The following GLIS1 variants were observed in gnomAD, a reference collection of about 807,000 sequenced individuals.
GLIS1 encodes the protein zinc finger protein GLIS1.
GLIS1 carries 24 observed loss-of-function variants against 63.8 expected under a neutral mutation model. The ratio of observed to expected loss-of-function variants is 0.38; its 90% CI spans 0.27 to 0.53. The LOEUF is 0.53. Among genes scored for constraint, GLIS1 ranks in the 20% least tolerant of loss-of-function variants. The pLI, the probability that GLIS1 is intolerant of heterozygous loss-of-function variation, is 0.85. For missense variants in GLIS1, 1,036 were observed against 1,074.1 expected (o/e 0.96, Z 0.50); for synonymous variants, 450 against 482.5 (o/e 0.93, Z 0.88).
At position 53,506,689 on chromosome 1, in the gene GLIS1, C is replaced by T. The variant is rs1175761577; in HGVS notation, c.2318G>A (p.Cys773Tyr). The change falls in exon 11 of 11, where the codon TGT becomes TAT. Residue 773 changes from cysteine (C) to tyrosine (Y), a missense_variant. Coordinates refer to ENST00000628545, the MANE Select transcript of GLIS1 (RefSeq NM_001367484.1). ...AAAGGCTCCATTGGGGAAGAAGCCA[C>T]AGTCCTCGGGGCCGCTGGACACCAC... is the stretch of plus-strand genomic sequence containing the variant. ...EDVVSSGPED[C>Y]GFFPNGAFDH... 6.2e-7 allele frequency: 1 copy of T among 1,613,594 alleles called. No individual in the cohort carries two copies. Among genetic ancestry groups the T allele is most frequent in the South Asian group, 1.1e-5 (1 of 91,086 alleles).
chr1:53,713,132 C>T (rs1458751526), intron 2 of GLIS1, among the ~76,000 whole-genome samples: 11 of 152,142 alleles, frequency 7.2e-5, no homozygotes, highest in Admixed American at 7.2e-4. Context: ...CAAGACCAGC[C>T]TAGGCAACAT....
rs183595001 is a variant in GLIS1 at position 53,649,006 on chromosome 1, C to T, written c.260-48728G>A. Among the ~76,000 whole-genome samples, 79 of 152,174 alleles carry T rather than the reference C, an allele frequency of 5.2e-4. 1 individual carries two copies. Among genetic ancestry groups the T allele is most frequent in the East Asian group, 3.7e-3 (19 of 5,182 alleles). On this transcript the variant is annotated intron_variant, in intron 2 of 10. Transcript: ENST00000628545. The stretch of plus-strand genomic sequence containing the variant: ...TTGAACAAGATGGTTTTGAACTGCA[C>T]GGATCTACTTATTCATGGATTTTTT...
intron 2 of GLIS1, among the ~76,000 whole-genome samples, chr1:53,632,095 GTGAA>G (rs1352345804): frequency 7.3e-5 from 11 of 150,642 alleles, no homozygotes; most frequent in Middle Eastern, 7.0e-3. Flanking sequence ...TGAGGGGTGT[GTGAA>G]TGAATGTGAC....
At chr1:53,633,274 G>A (rs983998640) in intron 2 of GLIS1, among the ~76,000 whole-genome samples, 10 of 149,950 alleles carry the variant, frequency 6.7e-5, no homozygotes, top group African/African-American at 2.2e-4. Context: ...ACTGAGGGGT[G>A]TGAATGAGTG....
intron 4 of GLIS1, among the ~76,000 whole-genome samples, chr1:53,579,758 A>C (rs1645067260): frequency 1.3e-5 from 2 of 152,156 alleles, no homozygotes; most frequent in South Asian, 2.1e-4. Flanking sequence ...ATCACACCCC[A>C]GGGTGTGGCA....
At chr1:53,671,240 T>G (rs552053709) in intron 2 of GLIS1, among the ~76,000 whole-genome samples, 1 of 152,222 alleles carries the variant, frequency 6.6e-6, no homozygotes, top group African/African-American at 2.4e-5. Context: ...CCTGTCTTAG[T>G]AGCAGGGGAT....
chr1:53,650,368 T>C (rs928328107), intron 2 of GLIS1, among the ~76,000 whole-genome samples: 8 of 152,110 alleles, frequency 5.3e-5, no homozygotes. Flanking sequence ...GGCAGGTGGA[T>C]CACCTGAAGT....
intron 4 of GLIS1, among the ~76,000 whole-genome samples, chr1:53,554,028 G>A (rs1294259714): frequency 6.6e-6 from 1 of 152,172 alleles, no homozygotes; most frequent in Non-Finnish European, 1.5e-5. Flanking sequence ...ATGGAGAAGA[G>A]GACACTAGGC....
intron 2 of GLIS1, among the ~76,000 whole-genome samples, chr1:53,651,891 A>G (rs1434177790): frequency 1.3e-5 from 2 of 149,886 alleles, no homozygotes; most frequent in Non-Finnish European, 3.0e-5. Context: ...AAAAAAAAAA[A>G]GCAATTGACA....
At chr1:53,599,513 C>A (rs1645294142) in intron 3 of GLIS1, among the ~76,000 whole-genome samples, 1 of 152,256 alleles carries the variant, frequency 6.6e-6, no homozygotes, top group East Asian at 1.9e-4. Context: ...ACATAAATTC[C>A]TTTTCTTTAT....
At chr1:53,600,979 CAA>C (rs1386800801) in intron 2 of GLIS1, among the ~76,000 whole-genome samples, 4 of 152,174 alleles carry the variant, frequency 2.6e-5, no homozygotes, top group African/African-American at 9.7e-5. Context: ...TAAAGTGTAA[CAA>C]GAGTCAGGCG....
intron 4 of GLIS1, among the ~76,000 whole-genome samples, chr1:53,547,678 T>C (rs999300984): frequency 1.1e-4 from 17 of 152,220 alleles, no homozygotes; most frequent in African/African-American, 3.9e-4. Flanking sequence ...GTTTTCATCA[T>C]TTTTGGTATG....
intron 7 of GLIS1, among the ~76,000 whole-genome samples, chr1:53,517,667 G>T (rs1212367680): frequency 6.6e-6 from 1 of 152,124 alleles, no homozygotes; most frequent in East Asian, 1.9e-4. Context: ...CTGTGCAGAA[G>T]AGAACTGGTC....
intron 2 of GLIS1, among the ~76,000 whole-genome samples, chr1:53,650,226 G>A (rs1326577553): frequency 6.6e-6 from 1 of 152,184 alleles, no homozygotes; most frequent in African/African-American, 2.4e-5. Context: ...ACCAAAGGCA[G>A]TGACACAAAC....
intron 2 of GLIS1, among the ~76,000 whole-genome samples, chr1:53,658,049 G>A (rs1464201185): frequency 3.3e-5 from 5 of 151,920 alleles, no homozygotes; most frequent in East Asian, 1.9e-4. Flanking sequence ...TCCAGCCACC[G>A]CACCCACCAC....
At chr1:53,738,929 G>T (rs1646940362) in intron 1 of GLIS1, among the ~76,000 whole-genome samples, 176 bp downstream of exon 1, 1 of 152,280 alleles carries the variant, frequency 6.6e-6, no homozygotes, top group East Asian at 1.9e-4. Context: ...TGCGATGGGG[G>T]CCGCGACAGA....
chr1:53,614,333 G>A lies in GLIS1; in HGVS notation c.260-14055C>T, dbSNP rs183263147. 1.5e-3 allele frequency among the ~76,000 whole-genome samples: 230 copies of A among 152,284 alleles called. 2 individuals carry two copies. Among genetic ancestry groups the A allele is most frequent in the African/African-American group, 5.1e-3 (212 of 41,552 alleles). The stretch of plus-strand genomic sequence containing the variant: ...AGTCAGAGAAGGTGTCTCCAAGGGG[G>A]TGACATTTGAACAGAGGCCTGAGGG... On this transcript the variant is annotated intron_variant, in intron 2 of 10. Transcript: ENST00000628545.
chr1:53,510,840 C>G (rs960461941), intron 8 of GLIS1, among the ~76,000 whole-genome samples: 19 of 152,240 alleles, frequency 1.2e-4, no homozygotes, highest in African/African-American at 4.3e-4. Flanking sequence ...CCTCCACTTG[C>G]ATACCTCCTG....
intron 2 of GLIS1, among the ~76,000 whole-genome samples, chr1:53,707,392 C>T (rs1000817995): frequency 1.3e-5 from 2 of 152,202 alleles, no homozygotes; most frequent in African/African-American, 4.8e-5. Context: ...TGGTTCATGC[C>T]TGTAATCCCA....
Sources: allele counts gnomAD v4.1 joint callset (sites outside exome capture counted in the v4.1 genomes callset), GRCh38; gene constraint gnomAD v4.1.1; transcripts MANE v1.5; gene names NCBI Gene and HGNC (gene_info 2026-07-23, HGNC 2026-07-21).